The following DNHD1 variants were observed in gnomAD, a reference collection of about 807,000 sequenced individuals.
The protein encoded by DNHD1 is dynein heavy chain domain 1.
DNHD1 carries 383 observed loss-of-function variants against 458.1 expected under a neutral mutation model. That is an observed-to-expected ratio of 0.84 (90% CI 0.77 to 0.91). The LOEUF (loss-of-function observed/expected upper bound fraction) is 0.91, where lower values mean the gene tolerates loss of function less well. Among genes scored for constraint, DNHD1 ranks in the 40% least tolerant of loss-of-function variants. The probability of loss-of-function intolerance (pLI) is 0.00; values close to 1 mark genes in which losing one functional copy is unlikely to be tolerated. For synonymous variants in DNHD1, 2,203 were observed against 2,376.9 expected, an observed-to-expected ratio of 0.93 and a Z score of 2.13; for missense variants, 5,336 against 5,866.1, an observed-to-expected ratio of 0.91 and a Z score of 2.95.
rs11600179 is a variant in DNHD1, at chr11:6,556,774, G to A, written c.7479G>A (p.Thr2493=). 0.12 allele frequency: 185,821 copies of A among 1,551,484 alleles called. 15,134 individuals are homozygous for A. The highest frequency in any genetic ancestry group is 0.42 in the African/African-American group (30,715 of 73,060). The change falls in exon 25 of 43, where the codon ACG becomes ACA. Residue 2493 remains threonine, a synonymous_variant. Coordinates refer to ENST00000254579, the MANE Select transcript of DNHD1 (RefSeq NM_144666.3). ...CCCACAGCACCTTGGAACTGCAGAC[G>A]CTGCAGCCTACAGTCAACTTCCTTG... is the stretch of plus-strand genomic sequence containing the variant. ...VYAHSTLELQ[T]LQPTVNFLAT... is the part of the protein sequence containing the mutation.
rs1853160465 is a variant in DNHD1 at position 6,544,294 on chromosome 11, A to G, written c.3754+48A>G. The G allele has an allele frequency of 3.2e-6, 5 of 1,549,650 alleles. No homozygotes were observed. In the African/African-American group the frequency reaches 4.1e-5, roughly 13 times the overall value. On this transcript the variant is annotated intron_variant, in intron 19 of 42. Coordinates refer to ENST00000254579, the MANE Select transcript of DNHD1 (RefSeq NM_144666.3). The stretch of plus-strand genomic sequence containing the variant: ...GCTGATGGGTGAGACCTGAGGCAGG[A>G]TGTCCCAGAGGGATGGGGGTGAGAG...
chr11:6,571,276 C>A lies in DNHD1; in HGVS notation c.13764C>A (p.His4588Gln). ...TCTTCCACCTGTCAGCCTTTCGCCA[C>A]CCGCGCCGCCTGCTGCTGGCATTGC... The part of the protein sequence containing the change: ...ERVFHLSAFR[H>Q]PRRLLLALRG... The change falls in exon 42 of 43, where the codon CAC becomes CAA. Residue 4588 changes from histidine to glutamine, a missense_variant. By Grantham distance (24) the His-to-Gln change is conservative. Around this residue, in one of 4 missense-constraint regions of DNHD1, gnomAD observed 698 missense variants for 664.9 expected, o/e 1.05. Transcript: ENST00000254579. The surrounding 1 kb of genome is among the most constrained non-coding windows in gnomAD (Gnocchi z 5.0). 6.2e-7 allele frequency: 1 copy of A among 1,612,384 alleles called. No homozygotes were observed. The highest frequency in any genetic ancestry group is 8.5e-7 in the Non-Finnish European group (1 of 1,179,618).
In DNHD1 at chr11:6,557,711, C is replaced by G. The variant is rs374233076; in HGVS notation, c.8416C>G (p.Pro2806Ala). 13 of 1,551,728 alleles carry G rather than the reference C, an allele frequency of 8.4e-6. No homozygotes were observed. Among genetic ancestry groups the G allele is most frequent in the Non-Finnish European group, 1.1e-5 (13 of 1,147,004 alleles). Residue 2806 changes from proline (P) to alanine (A), a missense_variant, in exon 25 of 43, where the codon CCA becomes GCA. Physicochemically the swap from Pro to Ala is conservative, Grantham distance 27. Around this residue, in one of 4 missense-constraint regions of DNHD1, gnomAD observed 3,932 missense variants for 4,365.6 expected, o/e 0.90. Coordinates refer to ENST00000254579, the MANE Select transcript of DNHD1 (RefSeq NM_144666.3). The stretch of plus-strand genomic sequence containing the variant: ...GGACCTGATCTCACCCTTGTTGTTA[C>G]CAGTGTTACTACTACATCCCCAGGA... ...QMDLISPLLL[P>A]VLLLHPQEKP...
At chr11:6,530,598 T>C (rs970656968) in intron 12 of DNHD1, among the ~76,000 whole-genome samples, 9 of 152,244 alleles carry the variant, frequency 5.9e-5, no homozygotes, top group Admixed American at 2.0e-4. Context: ...GCCTGCTTTC[T>C]TTATGAAGGT....
At position 6,551,887 on chromosome 11, in the gene DNHD1, G is replaced by C. The variant is rs554941133; in HGVS notation, c.7387+2954G>C. The stretch of plus-strand genomic sequence containing the variant: ...ACCAGGGAGGTGGAAGTTGCGGTGA[G>C]CTGAGATTTGCACCACTGCACTCCA... On this transcript the variant is annotated intron_variant, in intron 24 of 42. Transcript: ENST00000254579. Among the ~76,000 whole-genome samples the C allele has an allele frequency of 4.5e-4, 60 of 134,324 alleles. 2 individuals carry two copies. The highest frequency in any genetic ancestry group is 8.0e-4 in the Non-Finnish European group (51 of 63,800). The allele number at this position is 134,324 out of a possible 152,430, so 88.1% of individuals were successfully genotyped here. A position where few individuals can be genotyped will look rare whatever the true frequency, so the allele number is the denominator to read the frequency against.
intron 24 of DNHD1, among the ~76,000 whole-genome samples, chr11:6,551,612 A>G (rs1853345055): frequency 1.3e-5 from 2 of 152,258 alleles, no homozygotes; most frequent in Admixed American, 6.5e-5. Context: ...AATATCAGGA[A>G]TGAAAGAGGT....
Position 6,559,033 on chromosome 11 carries a change from T to C in DNHD1, c.9343T>C (p.Phe3115Leu), listed in dbSNP as rs550547297. ...PALPLVTPKT[F>L]LDFLDTFLML... ...ATTGCCACTCGTCACCCCCAAGACC[T>C]TCCTAGACTTCCTGGACACTTTCCT... The change falls in exon 27 of 43, where the codon TTC becomes CTC. Residue 3115 changes from phenylalanine to leucine, a missense_variant. Physicochemically the swap from Phe to Leu is conservative, Grantham distance 22 (BLOSUM62 0). Transcript: ENST00000254579. The C allele has an allele frequency of 4.5e-6, 7 of 1,551,664 alleles. No homozygotes were observed. The South Asian group carries it at 7.1e-5, about 16-fold the overall frequency.
intron 37 of DNHD1, 36 bp from the exon 38 acceptor site, chr11:6,568,418 T>A (rs767996814): frequency 6.2e-7 from 1 of 1,610,484 alleles, no homozygotes. Context: ...TGACCCTTTA[T>A]CCAAGGACTG....
At chr11:6,549,025 T>A in intron 24 of DNHD1, 92 bp downstream of exon 24, 1 of 1,346,228 alleles carries the variant, frequency 7.4e-7, no homozygotes, top group Middle Eastern at 2.2e-4. Flanking sequence ...CAAATATATG[T>A]CTGTAGATCT....
chr11:6,562,308 A>C (rs1217078458), intron 28 of DNHD1, among the ~76,000 whole-genome samples: 1 of 152,178 alleles, frequency 6.6e-6, no homozygotes, highest in South Asian at 2.1e-4. Flanking sequence ...AGAGCTGAGG[A>C]CGCATAACCA....
Position 6,546,766 on chromosome 11 carries a change from C to T in DNHD1, c.5827C>T (p.Leu1943=), listed in dbSNP as rs991676301. ...CALFPSASQV[L]AEPMTYKLMK... ...GCTTTTCCCTAGCGCCAGCCAAGTG[C>T]TGGCAGAACCTATGACTTACAAGCT... The change falls in exon 21 of 43, where the codon CTG becomes TTG. Residue 1943 remains leucine (L), a synonymous_variant. Transcript: ENST00000254579. 1 of 1,551,720 alleles carries T rather than the reference C, an allele frequency of 6.4e-7. No homozygotes were observed. The highest frequency in any genetic ancestry group is 1.4e-5 in the African/African-American group (1 of 73,060).
chr11:6,566,069 A>G, intron 33 of DNHD1, 78 bp downstream of exon 33: 1 of 1,484,602 alleles, frequency 6.7e-7, no homozygotes, highest in Non-Finnish European at 9.0e-7. Flanking sequence ...CCCACACCTC[A>G]GTCTAACTTC....
At chr11:6,519,511 C>T in intron 7 of DNHD1, 89 bp from the exon 8 acceptor site, 1 of 1,476,820 alleles carries the variant, frequency 6.8e-7, no homozygotes, top group Non-Finnish European at 9.3e-7. Context: ...AGGTCCCAGA[C>T]TCCAAGACCT....
At position 6,497,903 on chromosome 11, in the gene DNHD1, C is replaced by G; in HGVS notation, c.-313C>G. The G allele has an allele frequency of 1.1e-5, 4 of 363,056 alleles. No homozygotes were observed. The highest frequency in any genetic ancestry group is 1.5e-3 in the Middle Eastern group (2 of 1,294). The allele number at this position is 363,056 out of a possible 1,614,324, so 22.5% of individuals were successfully genotyped here. On this transcript the variant is annotated 5_prime_UTR_variant, in exon 3 of 43. Coordinates refer to ENST00000254579, the MANE Select transcript of DNHD1 (RefSeq NM_144666.3). Reference sequence around the variant, plus strand: ...AACTCTTCTGCAAGGAGGGCTCTCACGTCTGTCTTAGGCCTGCTCCTTACC... The same window carrying G: ...AACTCTTCTGCAAGGAGGGCTCTCAGGTCTGTCTTAGGCCTGCTCCTTACC...
intron 12 of DNHD1, among the ~76,000 whole-genome samples, chr11:6,530,488 G>A (rs1852803678): frequency 6.6e-6 from 1 of 152,206 alleles, no homozygotes; most frequent in African/African-American, 2.4e-5. Context: ...TAGGAAATAT[G>A]GAGGTTGTTC....
At chr11:6,518,547 G>A (rs1045258244) in intron 7 of DNHD1, among the ~76,000 whole-genome samples, 8 of 152,078 alleles carry the variant, frequency 5.3e-5, no homozygotes, top group African/African-American at 1.9e-4. Context: ...CATTTACTGT[G>A]GAACTACCCC....
rs1439548566 is a variant in DNHD1 at position 6,508,963 on chromosome 11, A to G, written c.1004A>G (p.His335Arg). The G allele has an allele frequency of 6.2e-7, 1 of 1,614,026 alleles. No individual in the cohort carries two copies. The highest frequency in any genetic ancestry group is 2.2e-5 in the East Asian group (1 of 44,896). Residue 335 changes from histidine (H) to arginine (R), a missense_variant, in exon 5 of 43, where the codon CAT (histidine) becomes CGT (arginine). His to Arg is a conservative substitution (Grantham distance 29). Transcript: ENST00000254579. ...TCTCCCTTTGGGATCTTGCATGTAC[A>G]TCCTGTGGAAGGTAGCGAGACGATG... is the stretch of plus-strand genomic sequence containing the variant. ...IFSPFGILHV[H>R]PVEGSETMTL...
chr11:6,563,212 A>C (rs980326477), intron 29 of DNHD1, 81 bp downstream of exon 29: 7 of 1,541,472 alleles, frequency 4.5e-6, no homozygotes, highest in Non-Finnish European at 6.1e-6. Context: ...AGAGGAGAGG[A>C]TGGAGTGACT....
At chr11:6,517,120 G>A (rs2134389679) in intron 7 of DNHD1, among the ~76,000 whole-genome samples, 1 of 152,294 alleles carries the variant, frequency 6.6e-6, no homozygotes, top group South Asian at 2.1e-4. Flanking sequence ...CCACAGAAGG[G>A]ACTAGCCAGC....
Sources: gnomAD v4.1 joint callset for allele counts (sites outside exome capture counted in the v4.1 genomes callset) on GRCh38, gnomAD v4.1.1 for gene constraint, gnomAD v4.1.1 regional missense constraint, Gnocchi (gnomAD v3.1) non-coding constraint, MANE v1.5 for transcripts, NCBI Gene and HGNC (gene_info 2026-07-23, HGNC 2026-07-21) for gene names.